Variants in SLCO3A1 observed in about 807,000 individuals in gnomAD.
SLCO3A1 encodes the protein PGE1 transporter.
Under a neutral mutation model 63.1 loss-of-function variants are expected in SLCO3A1, and 27 were observed. The ratio of observed to expected loss-of-function variants is 0.43; its 90% confidence interval spans 0.32 to 0.59. The LOEUF (loss-of-function observed/expected upper bound fraction) is 0.59. SLCO3A1 is among the 20% of genes least tolerant of loss of function. The pLI, the probability that SLCO3A1 is intolerant of heterozygous loss-of-function variation, is 0.09. For missense variants in SLCO3A1, 773 were observed against 945.8 expected (o/e 0.82, Z 2.40); for synonymous variants, 473 against 409.9 (o/e 1.15, Z -1.86).
chr15:92,014,185 C>T (rs1388092167), intron 2 of SLCO3A1, among the ~76,000 whole-genome samples: 1 of 152,090 alleles, frequency 6.6e-6, no homozygotes, highest in Non-Finnish European at 1.5e-5. Context: ...TTTGTTTCCT[C>T]CCAAGGAAAA....
chr15:92,055,149 T>C (rs1335944439), intron 2 of SLCO3A1, among the ~76,000 whole-genome samples: 1 of 152,222 alleles, frequency 6.6e-6, no homozygotes, highest in Non-Finnish European at 1.5e-5. Flanking sequence ...CCATTCTTAC[T>C]GGTGTGAAAT....
chr15:91,867,039 G>A (rs1180399349), intron 1 of SLCO3A1, among the ~76,000 whole-genome samples: 1 of 152,218 alleles, frequency 6.6e-6, no homozygotes. Flanking sequence ...AACCTGGGAT[G>A]GAGAAGGGGA....
At chr15:91,958,325 A>C (rs1346783303) in intron 2 of SLCO3A1, among the ~76,000 whole-genome samples, 1 of 152,040 alleles carries the variant, frequency 6.6e-6, no homozygotes, top group Non-Finnish European at 1.5e-5. Context: ...TCCAGGATCA[A>C]CCGTACTTCA....
chr15:92,014,139 T>C (rs998272662), intron 2 of SLCO3A1, among the ~76,000 whole-genome samples: 2 of 152,064 alleles, frequency 1.3e-5, no homozygotes, highest in African/African-American at 4.8e-5. Flanking sequence ...GCTGGCACCT[T>C]GGCAGGGGAG....
In SLCO3A1 at chr15:92,165,588, G is replaced by C; in HGVS notation, c.*2453G>C. On this transcript the variant is annotated 3_prime_UTR_variant, in exon 10 of 10. Transcript: ENST00000318445. ...TAGGATGAATGTGAAAAAGATGTTA[G>C]AATAACAGGAAGACAACTCCAGGGC... The C allele has an allele frequency of 1.0e-6, 1 of 985,000 alleles. No homozygotes were observed. Among genetic ancestry groups the C allele is most frequent in the Non-Finnish European group, 1.2e-6 (1 of 829,618 alleles). 61.0% of individuals were successfully genotyped at this position (985,000 alleles called of 1,614,324 possible).
chr15:91,963,233 G>A (rs931200430), intron 2 of SLCO3A1, among the ~76,000 whole-genome samples: 6 of 152,146 alleles, frequency 3.9e-5, no homozygotes, highest in Non-Finnish European at 8.8e-5. Flanking sequence ...GTGGGCTTTT[G>A]TTGCATTCCA....
intron 2 of SLCO3A1, among the ~76,000 whole-genome samples, chr15:92,082,154 G>A (rs1035702126): frequency 6.6e-6 from 1 of 152,220 alleles, no homozygotes; most frequent in African/African-American, 2.4e-5. Context: ...GGTCAGTTAT[G>A]TAATGCTGGC....
chr15:91,867,676 A>C (rs1897198108), intron 1 of SLCO3A1, among the ~76,000 whole-genome samples: 1 of 152,148 alleles, frequency 6.6e-6, no homozygotes, highest in African/African-American at 2.4e-5. Flanking sequence ...GGCCCTTCAA[A>C]CTTCCCCTCC....
chr15:91,981,967 A>G (rs1035413513), intron 2 of SLCO3A1, among the ~76,000 whole-genome samples: 2 of 152,214 alleles, frequency 1.3e-5, no homozygotes, highest in East Asian at 1.9e-4. Context: ...GCATGCTTAC[A>G]TGCCTTCTTC....
At chr15:92,007,920 T>G (rs1387860808) in intron 2 of SLCO3A1, among the ~76,000 whole-genome samples, 1 of 152,200 alleles carries the variant, frequency 6.6e-6, no homozygotes, top group East Asian at 1.9e-4. Context: ...TGGAAGCATC[T>G]CTTTTCAGAA....
rs1036896394 is a variant in SLCO3A1 at position 92,033,906 on chromosome 15, G to A, written c.647-60975G>A. 6.6e-6 allele frequency among the ~76,000 whole-genome samples: 1 copy of A among 152,116 alleles called. No homozygotes were observed. The highest frequency in any genetic ancestry group is 2.4e-5 in the African/African-American group (1 of 41,412). ...CTGAGGCTTATTAGGGCTGGAGCAGGCTGGCGTTGATGAGCTGGGAGCAGG... is the reference window on the plus strand; with the variant it reads ...CTGAGGCTTATTAGGGCTGGAGCAGACTGGCGTTGATGAGCTGGGAGCAGG... On this transcript the variant is annotated intron_variant, in intron 2 of 9. Transcript: ENST00000318445. This position sits in a 1 kb window ranked among gnomAD's most constrained non-coding sequence, Gnocchi z 4.5.
chr15:92,129,168 G>C (rs2047962866), intron 7 of SLCO3A1, among the ~76,000 whole-genome samples: 1 of 152,134 alleles, frequency 6.6e-6, no homozygotes, highest in Non-Finnish European at 1.5e-5. Flanking sequence ...CTCTTGCTTG[G>C]ACCCGAGCAG....
intron 2 of SLCO3A1, among the ~76,000 whole-genome samples, chr15:91,960,070 G>A (rs1188980246): frequency 2.6e-5 from 4 of 152,076 alleles, no homozygotes; most frequent in East Asian, 2.0e-4. Flanking sequence ...TGCAACCTCC[G>A]CCTCCTGGGT....
chr15:92,093,804 G>A (rs1397990057), intron 2 of SLCO3A1, among the ~76,000 whole-genome samples: 1 of 151,982 alleles, frequency 6.6e-6, no homozygotes, highest in Non-Finnish European at 1.5e-5. Context: ...AGGGTGAGTT[G>A]GTCTACGCCT....
chr15:92,077,268 C>T (rs188577231), intron 2 of SLCO3A1, among the ~76,000 whole-genome samples: 45 of 152,232 alleles, frequency 3.0e-4, no homozygotes, highest in Admixed American at 2.9e-3. Context: ...AGGGAGGTCC[C>T]TGATATGGGT....
Position 91,861,011 on chromosome 15 carries a change from C to T in SLCO3A1, c.180+6923C>T, listed in dbSNP as rs147400273. Among the ~76,000 whole-genome samples, 310 of 152,314 alleles carry T rather than the reference C, an allele frequency of 2.0e-3. 2 individuals carry two copies. Among genetic ancestry groups the T allele is most frequent in the African/African-American group, 7.0e-3 (293 of 41,572 alleles). On this transcript the variant is annotated intron_variant, in intron 1 of 9. Transcript: ENST00000318445. ...CATCTGTAGTCTTAGAAGCAGCCTT[C>T]CCGCCCCCAGTCTGGTCACACCTGT...
intron 2 of SLCO3A1, among the ~76,000 whole-genome samples, chr15:92,089,394 G>A (rs1005387013): frequency 2.6e-5 from 4 of 150,952 alleles, no homozygotes; most frequent in African/African-American, 9.8e-5. Context: ...TGCAGGGTGG[G>A]GTCTTCCTGT....
intron 9 of SLCO3A1, among the ~76,000 whole-genome samples, chr15:92,156,992 C>G (rs1258962326): frequency 6.6e-6 from 1 of 152,216 alleles, no homozygotes; most frequent in Admixed American, 6.5e-5. Flanking sequence ...GGTTTAATCT[C>G]TGTTAATAGA....
At chr15:92,059,914 C>T (rs918442400) in intron 2 of SLCO3A1, among the ~76,000 whole-genome samples, 1 of 152,174 alleles carries the variant, frequency 6.6e-6, no homozygotes, top group African/African-American at 2.4e-5. Context: ...CACACAAACT[C>T]AGATGGTGTA....
Sources: allele counts gnomAD v4.1 joint callset (sites outside exome capture counted in the v4.1 genomes callset), GRCh38; gene constraint gnomAD v4.1.1; non-coding constraint Gnocchi (gnomAD v3.1); transcripts MANE v1.5; gene names NCBI Gene and HGNC (gene_info 2026-07-23, HGNC 2026-07-21).